The following GALNT16 variants were observed in gnomAD, a reference collection of about 807,000 sequenced individuals.
GALNT16 encodes UDP-GalNAc:polypeptide N-acetylgalactosaminyltransferase-like protein 1.
A neutral mutation model predicts 76.1 loss-of-function variants in GALNT16; 40 were observed. The observed-to-expected ratio is 0.53, with a 90% CI of 0.41 to 0.68. The LOEUF is 0.68. GALNT16 is among the 30% of genes least tolerant of loss of function. The pLI, the probability that GALNT16 is intolerant of heterozygous loss-of-function variation, is 0.00. For synonymous variants in GALNT16, 276 were observed against 285.2 expected, an observed-to-expected ratio of 0.97 and a Z score of 0.32; for missense variants, 621 against 731.9, an observed-to-expected ratio of 0.85 and a Z score of 1.75.
rs1026671692 is a variant in GALNT16 at position 69,325,239 on chromosome 14, G to A, written c.435-98G>A. On this transcript the variant is annotated intron_variant, in intron 3 of 14. Transcript: ENST00000448469. Reference sequence around the variant, plus strand: ...AGGAGCGCCCAGCATGCTGGCCCTGGAGCTGGGCGGCTGGGGAGTCCCACG... The same window carrying A: ...AGGAGCGCCCAGCATGCTGGCCCTGAAGCTGGGCGGCTGGGGAGTCCCACG... The A allele has an allele frequency of 8.9e-5, 70 of 789,506 alleles. No individual in the cohort carries two copies. The African/African-American group carries it at 1.1e-3, about 12-fold the overall frequency. 48.9% of individuals were successfully genotyped at this position (789,506 alleles called of 1,614,324 possible). A position where few individuals can be genotyped will look rare whatever the true frequency, so the allele number is the denominator to read the frequency against.
At chr14:69,282,620 C>CTGCTCTA (rs2044559129) in intron 1 of GALNT16, among the ~76,000 whole-genome samples, 1 of 151,718 alleles carries the variant, frequency 6.6e-6, no homozygotes, top group Non-Finnish European at 1.5e-5. Context: ...GGCCCCGTAT[C>CTGCTCTA]TGCTCTAAGT....
the GALNT16 span, among the ~76,000 whole-genome samples, chr14:69,370,239 C>T: frequency 1.1e-4 from 17 of 152,344 alleles, no homozygotes; most frequent in East Asian, 3.9e-4. Context: ...AGAGCTACCT[C>T]GGGCTTCCTT....
At chr14:69,369,824 G>A in the GALNT16 span, among the ~76,000 whole-genome samples, 34 of 152,262 alleles carry the variant, frequency 2.2e-4, no homozygotes, top group African/African-American at 7.9e-4. Context: ...AGCTCTCTAA[G>A]GTCCCCCTGA....
rs75949794 is a variant in GALNT16, at chr14:69,347,807, C to G, written c.1414-70C>G. On this transcript the variant is annotated intron_variant, in intron 13 of 14. Transcript: ENST00000448469. ...AAAATATGCCGTGTTTTTGCTTTAT[C>G]CCCTATCTACCCATCTCTCCACCCA... 3.6e-3 allele frequency: 5,511 copies of G among 1,543,680 alleles called. 142 individuals carry two copies. In the African/African-American group the frequency reaches 0.059, roughly 17 times the overall value.
chr14:69,371,479 G>T, the GALNT16 span, among the ~76,000 whole-genome samples: 3 of 151,020 alleles, frequency 2.0e-5, no homozygotes, highest in African/African-American at 7.3e-5. Flanking sequence ...GATGGTCTCG[G>T]TCTCCTGACC....
intron 1 of GALNT16, among the ~76,000 whole-genome samples, chr14:69,306,095 T>C (rs2044928972): frequency 6.6e-6 from 1 of 152,178 alleles, no homozygotes; most frequent in Admixed American, 6.5e-5. Flanking sequence ...TTTATTGGGG[T>C]ATCTATTCTG....
intron 1 of GALNT16, among the ~76,000 whole-genome samples, chr14:69,319,174 C>T (rs1018619586): frequency 6.6e-6 from 1 of 152,246 alleles, no homozygotes; most frequent in Non-Finnish European, 1.5e-5. Flanking sequence ...AGGGAACCTC[C>T]AACTGGCTCC....
Position 69,339,549 on chromosome 14 carries a change from G to T in GALNT16, c.1117G>T (p.Val373Leu), listed in dbSNP as rs2045457802. The stretch of plus-strand genomic sequence containing the variant: ...TAGGAATACTAAGCGCACTGCAGAA[G>T]TGTGGATGGATGAATACAAGCAATA... ...YIRNTKRTAE[V>L]WMDEYKQYYY... Residue 373 changes from valine to leucine, a missense_variant, in exon 11 of 15, where the codon GTG becomes TTG. Coordinates refer to ENST00000448469, the MANE Select transcript of GALNT16 (RefSeq NM_001168368.2). The T allele has an allele frequency of 6.2e-7, 1 of 1,612,718 alleles. No individual in the cohort carries two copies. Among genetic ancestry groups the T allele is most frequent in the Non-Finnish European group, 8.5e-7 (1 of 1,178,656 alleles).
intron 1 of GALNT16, among the ~76,000 whole-genome samples, chr14:69,303,057 C>T (rs955829367): frequency 2.0e-5 from 3 of 152,156 alleles, no homozygotes; most frequent in Admixed American, 1.3e-4. Context: ...CCTACATCTT[C>T]ATTACTTATT....
intron 1 of GALNT16, among the ~76,000 whole-genome samples, chr14:69,285,228 G>A (rs922018853): frequency 1.3e-5 from 2 of 152,002 alleles, no homozygotes; most frequent in African/African-American, 4.8e-5. Flanking sequence ...TTTTAGTAGA[G>A]ACGGGGTTTC....
In GALNT16 at chr14:69,333,322, G is replaced by A. The variant is rs2140181120; in HGVS notation, c.863+153G>A. The A allele has an allele frequency of 2.9e-6, 2 of 698,710 alleles. No individual in the cohort carries two copies. Among genetic ancestry groups the A allele is most frequent in the Non-Finnish European group, 5.0e-6 (2 of 396,226 alleles). 43.3% of individuals were successfully genotyped at this position (698,710 alleles called of 1,614,324 possible). ...TTCGGACCCTGTATGCAGGGACAGC[G>A]AGGACAGAGGCCACGGGAACAGATG... On this transcript the variant is annotated intron_variant, in intron 8 of 14. Coordinates refer to ENST00000448469, the MANE Select transcript of GALNT16 (RefSeq NM_001168368.2). The surrounding 1 kb of genome is among the most constrained non-coding windows in gnomAD (Gnocchi z 4.2).
intron 1 of GALNT16, among the ~76,000 whole-genome samples, chr14:69,280,122 A>G (rs1017671152): frequency 6.6e-6 from 1 of 152,234 alleles, no homozygotes; most frequent in Non-Finnish European, 1.5e-5. Context: ...TTGTGTGACC[A>G]TCACTACCAT....
chr14:69,345,827 T>G (rs1256737973), intron 12 of GALNT16, among the ~76,000 whole-genome samples: 1 of 152,120 alleles, frequency 6.6e-6, no homozygotes, highest in Non-Finnish European at 1.5e-5. Context: ...CTTAATAGTG[T>G]GCTGTGAACA....
chr14:69,263,412 C>T (rs920943123), intron 1 of GALNT16, among the ~76,000 whole-genome samples: 2 of 152,158 alleles, frequency 1.3e-5, no homozygotes, highest in Non-Finnish European at 1.5e-5. Flanking sequence ...TTGTGGTAAC[C>T]GCTTATTCAG....
intron 1 of GALNT16, among the ~76,000 whole-genome samples, chr14:69,309,723 GTTCT>G (rs2044989304): frequency 2.6e-5 from 4 of 152,062 alleles, no homozygotes; most frequent in Non-Finnish European, 4.4e-5. Context: ...ACAGAAGTTA[GTTCT>G]TTGTCATATT....
chr14:69,320,316 G>A (rs942197486), intron 1 of GALNT16, among the ~76,000 whole-genome samples: 8 of 152,102 alleles, frequency 5.3e-5, no homozygotes, highest in Non-Finnish European at 1.2e-4. Flanking sequence ...CCAACACCAC[G>A]AAACTCCACC....
At chr14:69,307,232 C>T (rs953584512) in intron 1 of GALNT16, among the ~76,000 whole-genome samples, 8 of 152,134 alleles carry the variant, frequency 5.3e-5, no homozygotes, top group Admixed American at 1.3e-4. Flanking sequence ...TCCTGTGGAG[C>T]GTAGGTCTCT....
chr14:69,270,557 G>A (rs2044394550), intron 1 of GALNT16, among the ~76,000 whole-genome samples: 1 of 152,188 alleles, frequency 6.6e-6, no homozygotes, highest in Non-Finnish European at 1.5e-5. Flanking sequence ...CTGTATGGGA[G>A]GGCTTCTGAT....
chr14:69,322,901 AAAG>A (rs1409809240), intron 2 of GALNT16, among the ~76,000 whole-genome samples: 1 of 148,860 alleles, frequency 6.7e-6, no homozygotes, highest in Admixed American at 6.9e-5. Context: ...AAAAAAGAAA[AAAG>A]AAAGCTGAGG....
Sources: gnomAD v4.1 joint callset for allele counts (sites outside exome capture counted in the v4.1 genomes callset) on GRCh38, gnomAD v4.1.1 for gene constraint, Gnocchi (gnomAD v3.1) non-coding constraint, MANE v1.5 for transcripts, NCBI Gene and HGNC (gene_info 2026-07-23, HGNC 2026-07-21) for gene names.